LRRC4C: variants seen among roughly 807,000 people sequenced by gnomAD.
LRRC4C encodes the protein leucine-rich repeat-containing protein 4C.
Under a neutral mutation model 33.6 loss-of-function variants are expected in LRRC4C, and 5 were observed. The ratio of observed to expected loss-of-function variants is 0.15; its 90% CI spans 0.08 to 0.31. The LOEUF (loss-of-function observed/expected upper bound fraction) is 0.31, where lower values mean the gene tolerates loss of function less well. Among genes scored for constraint, LRRC4C ranks in the 10% least tolerant of loss-of-function variants. The pLI is 1.00. For synonymous variants in LRRC4C, 329 were observed against 302.0 expected, an observed-to-expected ratio of 1.09 and a Z score of -0.93; for missense variants, 560 against 796.7, an observed-to-expected ratio of 0.70 and a Z score of 3.58.
At chr11:41,011,096 C>T (rs545581179) in intron 1 of LRRC4C, among the ~76,000 whole-genome samples, 6 of 152,204 alleles carry the variant, frequency 3.9e-5, no homozygotes, top group East Asian at 3.9e-4. Flanking sequence ...CAATTTACAT[C>T]GCTCCTATTC....
chr11:40,770,433 A>G (rs1034712651), intron 2 of LRRC4C, among the ~76,000 whole-genome samples: 4 of 152,166 alleles, frequency 2.6e-5, no homozygotes, highest in African/African-American at 9.7e-5. Context: ...TTCCGATTAC[A>G]ATTCAAGATG....
chr11:40,251,831 T>C (rs1389241403), intron 4 of LRRC4C, among the ~76,000 whole-genome samples: 3 of 152,168 alleles, frequency 2.0e-5, no homozygotes, highest in African/African-American at 7.2e-5. Context: ...CAGCATTTTG[T>C]GTTGTGACAC....
At chr11:40,965,395 G>A (rs920832311) in intron 1 of LRRC4C, among the ~76,000 whole-genome samples, 1 of 151,954 alleles carries the variant, frequency 6.6e-6, no homozygotes, top group South Asian at 2.1e-4. Context: ...TGTCAATTTT[G>A]GCTTTTGTTG....
chr11:40,489,940 A>G (rs577410364), intron 3 of LRRC4C, among the ~76,000 whole-genome samples: 1 of 152,200 alleles, frequency 6.6e-6, no homozygotes, highest in East Asian at 1.9e-4. Context: ...TTAAGAAACC[A>G]TTGGTACAAA....
Position 41,232,662 on chromosome 11 carries a change from T to C in LRRC4C, c.-496+226769A>G, listed in dbSNP as rs181450406. Among the ~76,000 whole-genome samples the C allele has an allele frequency of 7.4e-4, 112 of 151,912 alleles. No individual in the cohort carries two copies. The Middle Eastern group carries it at 0.024, about 33-fold the overall frequency. The stretch of plus-strand genomic sequence containing the variant: ...TCATCTAGCCATTAAATAATTGAAA[T>C]ACAAAATAATTCACTTATGAATTAT... On this transcript the variant is annotated intron_variant, in intron 1 of 6. Transcript: ENST00000528697.
chr11:41,419,405 TCG>T (rs558058552), intron 1 of LRRC4C, among the ~76,000 whole-genome samples: 131 of 151,786 alleles, frequency 8.6e-4, no homozygotes, highest in African/African-American at 2.9e-3. Flanking sequence ...CTAAGAAACA[TCG>T]AGAGATTGAT....
intron 2 of LRRC4C, among the ~76,000 whole-genome samples, chr11:40,710,154 A>T (rs1323700310): frequency 2.0e-5 from 3 of 151,950 alleles, no homozygotes; most frequent in Middle Eastern, 3.4e-3. Flanking sequence ...TAGCTCGGAG[A>T]AGTTTGTTAT....
intron 1 of LRRC4C, among the ~76,000 whole-genome samples, chr11:41,140,943 G>T (rs1943476358): frequency 6.6e-6 from 1 of 152,000 alleles, no homozygotes; most frequent in Non-Finnish European, 1.5e-5. Context: ...GTCTTCTGGG[G>T]GATAGAAAAA....
chr11:40,142,390 G>A (rs529057537), intron 5 of LRRC4C, among the ~76,000 whole-genome samples: 9 of 151,638 alleles, frequency 5.9e-5, no homozygotes, highest in African/African-American at 1.2e-4. Context: ...AATATGAATC[G>A]GAATTTAATG....
At chr11:40,463,306 GT>G (rs1952494441) in intron 3 of LRRC4C, among the ~76,000 whole-genome samples, 2 of 7,212 alleles carry the variant, frequency 2.8e-4, no homozygotes, top group Non-Finnish European at 1.0e-3. Context: ...TGTGTTACTG[GT>G]GTGTGTGTGT....
chr11:40,546,910 C>T (rs1956947700), intron 3 of LRRC4C, among the ~76,000 whole-genome samples: 1 of 152,146 alleles, frequency 6.6e-6, no homozygotes, highest in Non-Finnish European at 1.5e-5. Flanking sequence ...CAAGCTCTTT[C>T]TCATATACTA....
intron 2 of LRRC4C, among the ~76,000 whole-genome samples, chr11:40,723,043 A>T (rs1947105473): frequency 6.6e-6 from 1 of 152,146 alleles, no homozygotes; most frequent in Admixed American, 6.5e-5. Flanking sequence ...ATCTGATCAG[A>T]CAAAAATAAA....
intron 1 of LRRC4C, among the ~76,000 whole-genome samples, chr11:41,250,297 A>T (rs1298885919): frequency 1.3e-5 from 2 of 152,164 alleles, no homozygotes; most frequent in Non-Finnish European, 2.9e-5. Flanking sequence ...ACTTTCCTCT[A>T]CCTGATTTAG....
chr11:41,214,575 C>CAAAAAAAAAAAAAAAAAAAAAAAAA (rs547167050), intron 1 of LRRC4C, among the ~76,000 whole-genome samples: 1 of 34,758 alleles, frequency 2.9e-5, no homozygotes, highest in African/African-American at 1.2e-4. Context: ...ACTAAAAATA[C>CAAAAAAAAAAAAAAAAAAAAAAAAA]AAAAAAAAAA....
At chr11:40,140,518 C>T (rs985664529) in intron 6 of LRRC4C, among the ~76,000 whole-genome samples, 12 of 152,034 alleles carry the variant, frequency 7.9e-5, no homozygotes, top group African/African-American at 2.9e-4. Context: ...AGTCATCTCT[C>T]GAGTCAAGCA....
At chr11:41,101,752 G>T (rs755442490) in intron 1 of LRRC4C, among the ~76,000 whole-genome samples, 11 of 152,076 alleles carry the variant, frequency 7.2e-5, no homozygotes, top group East Asian at 1.9e-4. Context: ...CAACCTAAAT[G>T]TCCATTAGTG....
intron 1 of LRRC4C, among the ~76,000 whole-genome samples, chr11:41,173,019 T>C (rs898430480): frequency 1.3e-5 from 2 of 152,112 alleles, no homozygotes; most frequent in South Asian, 2.1e-4. Flanking sequence ...ATATTTGGAA[T>C]CCATCACCAA....
intron 2 of LRRC4C, among the ~76,000 whole-genome samples, chr11:40,863,766 A>T (rs2135870889): frequency 6.6e-6 from 1 of 152,316 alleles, no homozygotes; most frequent in Non-Finnish European, 1.5e-5. Flanking sequence ...TTATGGTTAA[A>T]ATAGGTCATA....
At chr11:41,166,835 G>A (rs1453848751) in intron 1 of LRRC4C, among the ~76,000 whole-genome samples, 2 of 152,112 alleles carry the variant, frequency 1.3e-5, no homozygotes, top group Admixed American at 1.3e-4. Context: ...CATGTATGAT[G>A]CTTACCTTAT....
Sources: gnomAD v4.1 joint callset for allele counts (sites outside exome capture counted in the v4.1 genomes callset) on GRCh38, gnomAD v4.1.1 for gene constraint, MANE v1.5 for transcripts, NCBI Gene and HGNC (gene_info 2026-07-23, HGNC 2026-07-21) for gene names.